SCRIB: variants seen among roughly 807,000 people sequenced by gnomAD.
SCRIB encodes the protein scribble planar cell polarity protein, also known as protein scribble homolog.
In SCRIB, 72 loss-of-function variants were observed where a neutral mutation model predicts 170.0. That is an observed-to-expected ratio of 0.42 (90% confidence interval 0.35 to 0.52). The LOEUF is 0.52. Among genes scored for constraint, SCRIB ranks in the 20% least tolerant of loss-of-function variants. The pLI, the probability that SCRIB is intolerant of heterozygous loss-of-function variation, is 0.02. For missense variants in SCRIB, 2,475 were observed against 2,338.5 expected (o/e 1.06, Z -1.20); for synonymous variants, 1,298 against 1,044.3 (o/e 1.24, Z -4.68).
chr8:143,806,871 C>T, intron 17 of SCRIB, 53 bp downstream of exon 17: 1 of 1,271,300 alleles, frequency 7.9e-7, no homozygotes, highest in Non-Finnish European at 1.1e-6. Context: ...TCAGTGTGAA[C>T]TGTGGTGGGG....
chr8:143,811,846 G>A (rs1205512883), intron 9 of SCRIB, among the ~76,000 whole-genome samples: 1 of 152,124 alleles, frequency 6.6e-6, no homozygotes, highest in South Asian at 2.1e-4. Context: ...TTCCCAGCCT[G>A]GGGATGGGGA....
rs759323131 is a variant in SCRIB, at chr8:143,812,798, C to T, written c.787+19G>A. ...CCAGGCTCCGTGTGCCCCACCCAGGCACCCCCAGGCACACTAACCGATGCC... is the reference window on the plus strand; with the variant it reads ...CCAGGCTCCGTGTGCCCCACCCAGGTACCCCCAGGCACACTAACCGATGCC... On this transcript the variant is annotated intron_variant, in intron 8 of 36. Coordinates refer to ENST00000356994, the MANE Select transcript of SCRIB (RefSeq NM_182706.5). The T allele has an allele frequency of 2.4e-5, 39 of 1,591,866 alleles. No individual in the cohort carries two copies. Among genetic ancestry groups the T allele is most frequent in the Non-Finnish European group, 3.2e-5 (37 of 1,174,054 alleles).
rs750854674 is a variant in SCRIB, at chr8:143,810,452, G to A, written c.1530+27C>T. 4.3e-5 allele frequency: 69 copies of A among 1,599,154 alleles called. 1 individual carries two copies. The highest frequency in any genetic ancestry group is 1.7e-4 in the African/African-American group (13 of 74,838). Reference sequence around the variant, plus strand: ...ACCACAGCTCCCGGGTCAGCGGCCCGCCAGGTTGCCGTGGCTCCATGCCCA... The same window carrying A: ...ACCACAGCTCCCGGGTCAGCGGCCCACCAGGTTGCCGTGGCTCCATGCCCA... On this transcript the variant is annotated intron_variant, in intron 13 of 36. Coordinates refer to ENST00000356994, the MANE Select transcript of SCRIB (RefSeq NM_182706.5).
chr8:143,809,808 G>A, intron 13 of SCRIB, 90 bp from the exon 14 acceptor site: 1 of 1,450,358 alleles, frequency 6.9e-7, no homozygotes, highest in South Asian at 1.2e-5. Flanking sequence ...GGCCTTCCCT[G>A]AGCTTCCCGC....
chr8:143,796,885 C>T (rs1038341779), intron 24 of SCRIB, among the ~76,000 whole-genome samples: 1 of 152,200 alleles, frequency 6.6e-6, no homozygotes, highest in Non-Finnish European at 1.5e-5. Context: ...ACAGAAAAGG[C>T]AGACCCGGGT....
rs1816067342 is a variant in SCRIB at position 143,815,706 on chromosome 8, C to T, written c.-334G>A. ...GCCCGCTGTGCCGCACCGGAACCGC[C>T]GCTGCCCGCCGGACTGCCCCGCCGA... On this transcript the variant is annotated 5_prime_UTR_variant, in exon 1 of 37. Coordinates refer to ENST00000356994, the MANE Select transcript of SCRIB (RefSeq NM_182706.5). The T allele has an allele frequency of 5.1e-6, 5 of 983,724 alleles. No individual in the cohort carries two copies. The highest frequency in any genetic ancestry group is 1.8e-5 in the African/African-American group (1 of 57,128). 60.9% of individuals were successfully genotyped at this position (983,724 alleles called of 1,614,324 possible).
rs1554637247 is a variant in SCRIB, at chr8:143,808,712, T to G, written c.2012A>C (p.Glu671Ala). The G allele has an allele frequency of 1.3e-6, 2 of 1,576,166 alleles. No homozygotes were observed. The highest frequency in any genetic ancestry group is 8.6e-7 in the Non-Finnish European group (1 of 1,161,490). ...TTCCTCCTCCTCCTCTTCCTCCTCC[T>G]CCTGAGGACTACCCTCTTCCTCCTC... Reference protein sequence around the residue: ...EEEEEEGSPQEEEEEEEEENR... With the variant: ...EEEEEEGSPQAEEEEEEEENR... Residue 671 changes from glutamate to alanine, a missense_variant, in exon 15 of 37, where the codon GAG becomes GCG. Physicochemically the swap from Glu to Ala is moderately radical, Grantham distance 107. This residue lies in a region of SCRIB where 1,966 missense variants were observed against 1,742.9 expected (regional missense o/e 1.13). Coordinates refer to ENST00000356994, the MANE Select transcript of SCRIB (RefSeq NM_182706.5).
rs782502287 is a variant in SCRIB at position 143,795,428 on chromosome 8, G to T, written c.3706C>A (p.Pro1236Thr). ...SIDRELSPEG[P>T]GKEKELPGQT... ...CTGCAGGCACCTCTGACCTTGCCTG[G>T]GCCCTCAGGGCTCAGCTCCCGGTCG... The change falls in exon 25 of 37, where the codon CCA becomes ACA. Residue 1236 changes from proline (P) to threonine (T), a missense_variant. This residue lies in a region of SCRIB where 1,966 missense variants were observed against 1,742.9 expected (regional missense o/e 1.13). Coordinates refer to ENST00000356994, the MANE Select transcript of SCRIB (RefSeq NM_182706.5). The T allele has an allele frequency of 6.2e-7, 1 of 1,613,042 alleles. No individual in the cohort carries two copies. The highest frequency in any genetic ancestry group is 8.5e-7 in the Non-Finnish European group (1 of 1,179,754).
At position 143,813,894 on chromosome 8, in the gene SCRIB, T is replaced by C. The variant is rs1458956105; in HGVS notation, c.280A>G (p.Ile94Val). ...TTGATGCTCTCCGGGATCTCAGGGATATCTGTCACAGAGGGTCACAGTGGA... is the reference window on the plus strand; with the variant it reads ...TTGATGCTCTCCGGGATCTCAGGGACATCTGTCACAGAGGGTCACAGTGGA... The part of the protein sequence containing the change: ...LVELDVSRND[I>V]PEIPESIKFC... Residue 94 changes from isoleucine (I) to valine (V), a missense_variant and splice_region_variant, in exon 3 of 37, where the codon ATC becomes GTC. Physicochemically the swap from Ile to Val is conservative, Grantham distance 29 (BLOSUM62 3). This residue lies in a region of SCRIB where 487 missense variants were observed against 558.1 expected (regional missense o/e 0.87). Coordinates refer to ENST00000356994, the MANE Select transcript of SCRIB (RefSeq NM_182706.5). The C allele has an allele frequency of 6.2e-7, 1 of 1,607,964 alleles. No individual in the cohort carries two copies. Among genetic ancestry groups the C allele is most frequent in the Non-Finnish European group, 8.5e-7 (1 of 1,176,018 alleles).
intron 29 of SCRIB, 53 bp downstream of exon 29, chr8:143,792,923 C>T (rs1814767885): frequency 2.0e-6 from 3 of 1,501,132 alleles, no homozygotes; most frequent in South Asian, 2.7e-5. Context: ...ACTGGGGCCC[C>T]CGGGCACCCA....
intron 13 of SCRIB, among the ~76,000 whole-genome samples, chr8:143,810,196 T>C (rs1024562062): frequency 2.6e-5 from 4 of 151,764 alleles, no homozygotes; most frequent in Admixed American, 1.3e-4. Context: ...CCAGAGACCC[T>C]ACCCCACAAC....
rs151205998 is a variant in SCRIB, at chr8:143,808,981, G to C, written c.1743C>G (p.Asp581Glu). The C allele has an allele frequency of 1.2e-6, 2 of 1,613,114 alleles. No homozygotes were observed. The highest frequency in any genetic ancestry group is 1.7e-6 in the Non-Finnish European group (2 of 1,179,952). The change falls in exon 15 of 37, where the codon GAC (aspartate) becomes GAG (glutamate). Residue 581 changes from aspartate to glutamate, a missense_variant. By Grantham distance (45) the Asp-to-Glu change is conservative. Transcript: ENST00000356994. ...CAGGCTGCCCCTCCTCGATCTCCCT[G>C]TCATCCCCGGGCAGCAGTGCGTCCT... The part of the protein sequence containing the change: ...FAEDALLPGD[D>E]REIEEGQPEA...
Position 143,806,499 on chromosome 8 carries a change from C to A in SCRIB, c.2269-15G>T, listed in dbSNP as rs1169178484. The A allele has an allele frequency of 1.3e-6, 2 of 1,579,532 alleles. No individual in the cohort carries two copies. Among genetic ancestry groups the A allele is most frequent in the African/African-American group, 1.4e-5 (1 of 73,994 alleles). ...ATGAATATGCCCTAGGGCACAGACA[C>A]GAGCTTGGCAGGGGCCAGGGAGACG... On this transcript the variant is annotated splice_polypyrimidine_tract_variant and intron_variant, in intron 17 of 36. Coordinates refer to ENST00000356994, the MANE Select transcript of SCRIB (RefSeq NM_182706.5).
rs563137518 is a variant in SCRIB, at chr8:143,804,582, G to A, written c.2995C>T (p.Pro999Ser). Residue 999 changes from proline to serine, a missense_variant, in exon 21 of 37, where the codon CCA becomes TCA. Physicochemically the swap from Pro to Ser is moderately conservative, Grantham distance 74. Transcript: ENST00000356994. ...PSLLAAALEG[P>S]YPVEEIRLPR... ...TTGTGTCTCACCTCCACTGGGTATGGCCCTTCCAACGCGGCAGCCAGCAGG... is the reference window on the plus strand; with the variant it reads ...TTGTGTCTCACCTCCACTGGGTATGACCCTTCCAACGCGGCAGCCAGCAGG... 4.6e-6 allele frequency: 7 copies of A among 1,512,646 alleles called. No individual in the cohort carries two copies. The South Asian group carries it at 6.5e-5, about 14-fold the overall frequency. 93.7% of individuals were successfully genotyped at this position (1,512,646 alleles called of 1,614,324 possible).
chr8:143,796,183 C>A (rs953078654), intron 24 of SCRIB, among the ~76,000 whole-genome samples: 2 of 152,124 alleles, frequency 1.3e-5, no homozygotes, highest in Non-Finnish European at 2.9e-5. Context: ...ACTTGAATCC[C>A]GAGCCTGGGG....
At position 143,791,824 on chromosome 8, in the gene SCRIB, C is replaced by CA. The variant is rs1253876704; in HGVS notation, c.4695+51_4695+52insT. Reference sequence around the variant, plus strand: ...CCACGGGGGTGGGGGCAGGCCAGACCCCACCCCCATGCCTCGGGGGTGAAG... The same window carrying CA: ...CCACGGGGGTGGGGGCAGGCCAGACCACCACCCCCATGCCTCGGGGGTGAAG... On this transcript the variant is annotated intron_variant, in intron 34 of 36. Coordinates refer to ENST00000356994, the MANE Select transcript of SCRIB (RefSeq NM_182706.5). 30 of 1,500,548 alleles carry CA rather than the reference C, an allele frequency of 2.0e-5. No homozygotes were observed. In the Admixed American group the frequency reaches 6.2e-4, roughly 31 times the overall value. 93.0% of individuals were successfully genotyped at this position (1,500,548 alleles called of 1,614,324 possible).
At chr8:143,795,582 C>T (rs1554633949) in intron 24 of SCRIB, 52 bp from the exon 25 acceptor site, 3 of 1,467,248 alleles carry the variant, frequency 2.0e-6, no homozygotes, top group African/African-American at 1.4e-5. Context: ...CGGGGTCCCA[C>T]CTCTGGGGCA....
At position 143,792,973 on chromosome 8, in the gene SCRIB, C is replaced by T. The variant is rs1554633330; in HGVS notation, c.4017+3G>A. 1.3e-6 allele frequency: 2 copies of T among 1,503,942 alleles called. No individual in the cohort carries two copies. Among genetic ancestry groups the T allele is most frequent in the African/African-American group, 1.4e-5 (1 of 71,360 alleles). The allele number at this position is 1,503,942 out of a possible 1,614,324, so 93.2% of individuals were successfully genotyped here. The stretch of plus-strand genomic sequence containing the variant: ...AGCAGGGAGGCGTGCTGCCCCCACA[C>T]ACCTGGGCAGGGGCATCCTCAGGCG... On this transcript the variant is annotated splice_donor_region_variant and intron_variant, in intron 29 of 36. Transcript: ENST00000356994.
At chr8:143,796,992 G>A (rs1554634215) in intron 24 of SCRIB, among the ~76,000 whole-genome samples, 1 of 152,184 alleles carries the variant, frequency 6.6e-6, no homozygotes, top group African/African-American at 2.4e-5. Flanking sequence ...GCCCCCAGGA[G>A]GTCCCGAGAT....
Sources: allele counts gnomAD v4.1 joint callset (sites outside exome capture counted in the v4.1 genomes callset), GRCh38; gene constraint gnomAD v4.1.1; regional missense constraint gnomAD v4.1.1; transcripts MANE v1.5; gene names NCBI Gene and HGNC (gene_info 2026-07-23, HGNC 2026-07-21).